The following CRACD variants were observed in gnomAD, a reference collection of about 807,000 sequenced individuals.
CRACD encodes the protein capping protein inhibiting regulator of actin dynamics.
A neutral mutation model predicts 106.8 loss-of-function variants in CRACD; 56 were observed. The ratio of observed to expected loss-of-function variants is 0.52; its 90% confidence interval spans 0.42 to 0.66. The LOEUF (loss-of-function observed/expected upper bound fraction) is 0.66. Among genes scored for constraint, CRACD ranks in the 30% least tolerant of loss-of-function variants. CRACD has a pLI of 0.00. For missense variants in CRACD, 1,730 were observed against 1,623.2 expected (o/e 1.07, Z -1.13); for synonymous variants, 754 against 670.8 (o/e 1.12, Z -1.92).
At chr4:56,153,336 A>G (rs940893868) in intron 1 of CRACD, among the ~76,000 whole-genome samples, 2 of 152,214 alleles carry the variant, frequency 1.3e-5, no homozygotes, top group Admixed American at 6.5e-5. Context: ...TCCTCTAGTC[A>G]TCTCCGTCTC....
chr4:56,252,571 G>C (rs1741117158), intron 2 of CRACD, among the ~76,000 whole-genome samples: 1 of 152,184 alleles, frequency 6.6e-6, no homozygotes, highest in Non-Finnish European at 1.5e-5. Context: ...TCCCAGATCT[G>C]TACTGAATAG....
rs1746706996 is a variant in CRACD at position 56,330,058 on chromosome 4, G to T, written c.*2254G>T. Among the ~76,000 whole-genome samples, 2 of 152,112 alleles carry T rather than the reference G, an allele frequency of 1.3e-5. No individual in the cohort carries two copies. The highest frequency in any genetic ancestry group is 4.1e-4 in the South Asian group (2 of 4,834). On this transcript the variant is annotated 3_prime_UTR_variant, in exon 11 of 11. Transcript: ENST00000682029. ...TTCATTTCAAAATCACCCCAAATTT[G>T]CACTAAATACCAATGAAGTGTTATT...
intron 5 of CRACD, chr4:56,308,698 T>TGGCACCCACGCATTGACACCC (rs1329169101): frequency 3.1e-6 from 3 of 970,696 alleles, no homozygotes; most frequent in Non-Finnish European, 3.7e-6. Flanking sequence ...TTGTGACACC[T>TGGCACCCACGCATTGACACCC]GGCACCCACG....
At position 56,316,263 on chromosome 4, in the gene CRACD, G is replaced by C; in HGVS notation, c.2761G>C (p.Ala921Pro). 1 of 1,613,940 alleles carries C rather than the reference G, an allele frequency of 6.2e-7. No homozygotes were observed. Among genetic ancestry groups the C allele is most frequent in the Non-Finnish European group, 8.5e-7 (1 of 1,179,844 alleles). The change falls in exon 8 of 11, where the codon GCT (alanine) becomes CCT (proline). Residue 921 changes from alanine to proline, a missense_variant. This residue lies in a region of CRACD where 1,620 missense variants were observed against 1,481.6 expected (regional missense o/e 1.09). Coordinates refer to ENST00000682029, the MANE Select transcript of CRACD (RefSeq NM_001393381.1). ...AGCCCCTTCCACCCGGAGGGACTCC[G>C]CTGAACCTTCCAGCAGCCGCTCTGT... is the stretch of plus-strand genomic sequence containing the variant. Reference protein sequence around the residue: ...KQAPSTRRDSAEPSSSRSVPV... With the variant: ...KQAPSTRRDSPEPSSSRSVPV...
At chr4:56,216,106 CAATTGTAAAAGAG>C (rs943714911) in intron 2 of CRACD, 10 of 152,306 alleles carry the variant, frequency 6.6e-5, no homozygotes, top group African/African-American at 2.4e-4. Flanking sequence ...CTCCCTTTTC[CAATTGTAAAAGAG>C]AAATGCGTTG....
At chr4:56,327,257 C>T (rs1746510000) in intron 10 of CRACD, among the ~76,000 whole-genome samples, 1 of 152,026 alleles carries the variant, frequency 6.6e-6, no homozygotes, top group Non-Finnish European at 1.5e-5. Flanking sequence ...TGAGGGAGTC[C>T]AGGAATTTGC....
chr4:56,295,728 A>G (rs924973484), intron 3 of CRACD, among the ~76,000 whole-genome samples: 1 of 145,128 alleles, frequency 6.9e-6, no homozygotes, highest in African/African-American at 2.5e-5. Flanking sequence ...TTGCAAAAAT[A>G]CAATGTAGAA....
chr4:56,091,278 G>A (rs1733416148), intron 1 of CRACD, among the ~76,000 whole-genome samples: 1 of 151,946 alleles, frequency 6.6e-6, no homozygotes, highest in Admixed American at 6.6e-5. Context: ...AATGTCCTGA[G>A]CTTAAGTGAT....
chr4:56,329,362 T>C lies in CRACD; in HGVS notation c.*1558T>C, dbSNP rs1387326933. Reference sequence around the variant, plus strand: ...GCTTTATTAAGTATCCATCATTACTTTCCTTTATGCTCGCTCAATATGCAA... The same window carrying C: ...GCTTTATTAAGTATCCATCATTACTCTCCTTTATGCTCGCTCAATATGCAA... On this transcript the variant is annotated 3_prime_UTR_variant, in exon 11 of 11. Coordinates refer to ENST00000682029, the MANE Select transcript of CRACD (RefSeq NM_001393381.1). Among the ~76,000 whole-genome samples the C allele has an allele frequency of 6.6e-6, 1 of 152,224 alleles. No homozygotes were observed. Among genetic ancestry groups the C allele is most frequent in the Non-Finnish European group, 1.5e-5 (1 of 68,026 alleles).
chr4:56,181,653 CA>C (rs1191522256), intron 2 of CRACD, among the ~76,000 whole-genome samples: 1 of 152,160 alleles, frequency 6.6e-6, no homozygotes, highest in Non-Finnish European at 1.5e-5. Context: ...TGAGACACAT[CA>C]AAGGGAAACC....
intron 3 of CRACD, among the ~76,000 whole-genome samples, chr4:56,286,055 G>C (rs1364876789): frequency 6.6e-6 from 1 of 152,118 alleles, no homozygotes; most frequent in Non-Finnish European, 1.5e-5. Context: ...TTTGGCATGG[G>C]AAAACACCAG....
At chr4:56,189,011 C>G (rs896986899) in intron 2 of CRACD, among the ~76,000 whole-genome samples, 1 of 152,064 alleles carries the variant, frequency 6.6e-6, no homozygotes, top group Non-Finnish European at 1.5e-5. Flanking sequence ...AGGTGAAACC[C>G]CATGTCTACT....
chr4:56,186,870 T>C (rs1367961606), intron 2 of CRACD, among the ~76,000 whole-genome samples: 1 of 152,146 alleles, frequency 6.6e-6, no homozygotes, highest in Non-Finnish European at 1.5e-5. Context: ...AACACTAGCC[T>C]GAGCAACATA....
At chr4:56,324,334 C>G in intron 10 of CRACD, 68 bp downstream of exon 10, 1 of 1,462,786 alleles carries the variant, frequency 6.8e-7, no homozygotes, top group Non-Finnish European at 9.3e-7. Context: ...TGCTTTATAT[C>G]CTACAGTGTA....
chr4:56,274,546 T>C (rs944482332), intron 3 of CRACD, among the ~76,000 whole-genome samples: 1 of 152,214 alleles, frequency 6.6e-6, no homozygotes, highest in Admixed American at 6.5e-5. Context: ...TCCTTAAGGT[T>C]TCAGGTTTTA....
In CRACD at chr4:56,222,991, AAATT is replaced by A. The variant is rs545212095; in HGVS notation, c.-189+43572_-189+43575del. 2.4e-3 allele frequency among the ~76,000 whole-genome samples: 366 copies of A among 151,978 alleles called. 1 individual carries two copies. Among genetic ancestry groups the A allele is most frequent in the African/African-American group, 8.3e-3 (346 of 41,444 alleles). On this transcript the variant is annotated intron_variant, in intron 2 of 10. Transcript: ENST00000682029. ...CTCCGTCTCAAACAAACAAACAAAAAAATTAATTAATTAAATTAAAGAAATAAAA... is the reference window on the plus strand; with the variant it reads ...CTCCGTCTCAAACAAACAAACAAAAAAATTAATTAAATTAAAGAAATAAAA...
intron 1 of CRACD, among the ~76,000 whole-genome samples, chr4:56,099,270 G>T (rs1234984285): frequency 6.6e-6 from 1 of 152,116 alleles, no homozygotes; most frequent in East Asian, 1.9e-4. Flanking sequence ...CAATTTTGGG[G>T]GTCAGGATCT....
intron 2 of CRACD, among the ~76,000 whole-genome samples, chr4:56,254,973 G>A (rs1741264884): frequency 6.6e-6 from 1 of 151,650 alleles, no homozygotes; most frequent in Admixed American, 6.6e-5. Flanking sequence ...TAATAACTAG[G>A]AGTAGTGGCA....
chr4:56,186,338 G>C (rs1260202226), intron 2 of CRACD, among the ~76,000 whole-genome samples: 1 of 152,154 alleles, frequency 6.6e-6, no homozygotes, highest in Non-Finnish European at 1.5e-5. Context: ...TTATGAACAG[G>C]TGCCATGGGA....
Sources: allele counts gnomAD v4.1 joint callset (sites outside exome capture counted in the v4.1 genomes callset), GRCh38; gene constraint gnomAD v4.1.1; regional missense constraint gnomAD v4.1.1; transcripts MANE v1.5; gene names NCBI Gene and HGNC (gene_info 2026-07-23, HGNC 2026-07-21).